NUMB: variants seen among roughly 807,000 people sequenced by gnomAD.
NUMB encodes the protein protein numb homolog.
In NUMB, 29 loss-of-function variants were observed where a neutral mutation model predicts 59.7. The ratio of observed to expected loss-of-function variants is 0.49; its 90% CI spans 0.36 to 0.66. The LOEUF (loss-of-function observed/expected upper bound fraction) is 0.66, where lower values mean the gene tolerates loss of function less well. NUMB is among the 30% of genes least tolerant of loss of function. The pLI, the probability that NUMB is intolerant of heterozygous loss-of-function variation, is 0.00. For synonymous variants in NUMB, 288 were observed against 288.2 expected (o/e 1.00, Z 0.01); for missense variants, 723 against 822.0 (o/e 0.88, Z 1.47).
chr14:73,354,085 T>A (rs184000137), intron 4 of NUMB, among the ~76,000 whole-genome samples: 1 of 152,198 alleles, frequency 6.6e-6, no homozygotes, highest in Non-Finnish European at 1.5e-5. Context: ...CTAACCTGTA[T>A]ATTTAAGAAT....
At chr14:73,323,427 A>T (rs1458762133) in intron 4 of NUMB, among the ~76,000 whole-genome samples, 1 of 152,230 alleles carries the variant, frequency 6.6e-6, no homozygotes, top group Non-Finnish European at 1.5e-5. Context: ...GAGTTCAGAT[A>T]ATGTAACTTT....
chr14:73,306,865 A>G (rs1890465087), intron 6 of NUMB, among the ~76,000 whole-genome samples: 1 of 152,220 alleles, frequency 6.6e-6, no homozygotes, highest in South Asian at 2.1e-4. Flanking sequence ...AGCAGCTACT[A>G]TGGACCACAA....
In NUMB at chr14:73,282,469, G is replaced by T. The variant is rs1182440658; in HGVS notation, c.986C>A (p.Ser329Tyr). The stretch of plus-strand genomic sequence containing the variant: ...GGCATTGGTGATCTGTGAGCACAGG[G>T]AGCTGATGCTCTCTGCCTCCCCTTC... ...EVEGEAESIS[S>Y]LCSQITNAFS... is the part of the protein sequence containing the mutation. The change falls in exon 11 of 13, where the codon TCC becomes TAC. Residue 329 changes from serine (S) to tyrosine (Y), a missense_variant. Coordinates refer to ENST00000555238, the MANE Select transcript of NUMB (RefSeq NM_001005743.2). The T allele has an allele frequency of 6.2e-7, 1 of 1,614,090 alleles. No individual in the cohort carries two copies. The highest frequency in any genetic ancestry group is 1.1e-5 in the South Asian group (1 of 91,076).
intron 1 of NUMB, among the ~76,000 whole-genome samples, chr14:73,438,630 C>CA (rs35633693): frequency 0.26 from 17,322 of 65,774 alleles, 2,311 homozygotes; most frequent in Non-Finnish European, 0.36. Flanking sequence ...GACTCTGCCT[C>CA]AAAAAAAAAA....
intron 4 of NUMB, among the ~76,000 whole-genome samples, chr14:73,345,469 T>C (rs1892865247): frequency 6.6e-6 from 1 of 152,194 alleles, no homozygotes; most frequent in Non-Finnish European, 1.5e-5. Context: ...AACCTGCACA[T>C]GTACTCCTGA....
intron 2 of NUMB, among the ~76,000 whole-genome samples, chr14:73,367,377 A>AGAGAGAGAGAGAGAGAG (rs1894418034): frequency 6.7e-6 from 1 of 150,072 alleles, no homozygotes; most frequent in Non-Finnish European, 1.5e-5. Flanking sequence ...AGAGAGAGAC[A>AGAGAGAGAGAGAGAGAG]AATAGGATAT....
At chr14:73,428,748 G>A (rs562717620) in intron 1 of NUMB, among the ~76,000 whole-genome samples, 324 of 152,280 alleles carry the variant, frequency 2.1e-3, no homozygotes, top group Non-Finnish European at 3.9e-3. Flanking sequence ...GGAGTTCAAG[G>A]CTGCAGTGAG....
chr14:73,296,396 G>A (rs369319212), intron 7 of NUMB, among the ~76,000 whole-genome samples: 91 of 150,512 alleles, frequency 6.0e-4, no homozygotes, highest in Non-Finnish European at 1.1e-3. Flanking sequence ...AGCTGGGATC[G>A]TGCCACTGCA....
chr14:73,345,435 G>A (rs1481876704), intron 4 of NUMB, among the ~76,000 whole-genome samples: 1 of 152,078 alleles, frequency 6.6e-6, no homozygotes, highest in Non-Finnish European at 1.5e-5. Context: ...AAACCCCAGT[G>A]ACATGCAATT....
chr14:73,397,967 T>C lies in NUMB; in HGVS notation c.-101+11970A>G, dbSNP rs140534090. On this transcript the variant is annotated intron_variant, in intron 2 of 12. Transcript: ENST00000555238. ...AGGCCCAGCTGAGAAGTCTTTGAAC[T>C]CTAGCCCTGGAGCATCAAGGGCTAG... Among the ~76,000 whole-genome samples, 62 of 152,318 alleles carry C rather than the reference T, an allele frequency of 4.1e-4. 1 individual carries two copies. Among genetic ancestry groups the C allele is most frequent in the African/African-American group, 1.4e-3 (60 of 41,572 alleles).
intron 2 of NUMB, among the ~76,000 whole-genome samples, chr14:73,387,970 A>G (rs2140092404): frequency 6.6e-6 from 1 of 151,334 alleles, no homozygotes; most frequent in East Asian, 1.9e-4. Context: ...AAAAAAAAAA[A>G]AAAAAAAATT....
chr14:73,355,542 A>C, intron 4 of NUMB, 84 bp downstream of exon 4: 1 of 1,259,776 alleles, frequency 7.9e-7, no homozygotes, highest in Non-Finnish European at 1.1e-6. Context: ...AGACTCTCTT[A>C]ATTGTCCTTA....
chr14:73,385,308 CTTTTT>C (rs1174960370), intron 2 of NUMB, among the ~76,000 whole-genome samples: 5 of 112,290 alleles, frequency 4.5e-5, no homozygotes, highest in South Asian at 3.1e-4. Flanking sequence ...CCAGTTAATT[CTTTTT>C]TTTTTTTTTT....
intron 2 of NUMB, among the ~76,000 whole-genome samples, chr14:73,388,266 C>T (rs2140092948): frequency 6.6e-6 from 1 of 152,244 alleles, no homozygotes; most frequent in South Asian, 2.1e-4. Context: ...TACCCAGTCT[C>T]GGGTATGTCT....
chr14:73,352,465 CACACACACACACATAT>C (rs1893383595), intron 4 of NUMB, among the ~76,000 whole-genome samples: 1 of 22,066 alleles, frequency 4.5e-5, no homozygotes, highest in Non-Finnish European at 8.7e-5. Flanking sequence ...CACATACACA[CACACACACACACATAT>C]ATATATATAT....
At chr14:73,400,995 CA>C (rs1317803984) in intron 2 of NUMB, among the ~76,000 whole-genome samples, 3 of 152,152 alleles carry the variant, frequency 2.0e-5, no homozygotes, top group Non-Finnish European at 4.4e-5. Flanking sequence ...GTGGTAACCC[CA>C]ATTTATGGCT....
At chr14:73,354,610 G>GT (rs1338774915) in intron 4 of NUMB, among the ~76,000 whole-genome samples, 1 of 151,352 alleles carries the variant, frequency 6.6e-6, no homozygotes, top group Non-Finnish European at 1.5e-5. Context: ...AGGATCGCCT[G>GT]AAGTCAGGAG....
At chr14:73,406,767 C>T (rs1433528295) in intron 2 of NUMB, among the ~76,000 whole-genome samples, 1 of 152,126 alleles carries the variant, frequency 6.6e-6, no homozygotes, top group Non-Finnish European at 1.5e-5. Flanking sequence ...TGTTTCCTGA[C>T]TTTTTAATGA....
At chr14:73,338,315 G>C (rs1294172857) in intron 4 of NUMB, among the ~76,000 whole-genome samples, 1 of 151,744 alleles carries the variant, frequency 6.6e-6, no homozygotes, top group Non-Finnish European at 1.5e-5. Context: ...AAAAAAAAAA[G>C]TTAACTTATC....
Sources: allele counts gnomAD v4.1 joint callset (sites outside exome capture counted in the v4.1 genomes callset), GRCh38; gene constraint gnomAD v4.1.1; transcripts MANE v1.5; gene names NCBI Gene and HGNC (gene_info 2026-07-23, HGNC 2026-07-21).